Variants in AMPH observed in about 807,000 individuals in gnomAD.
The protein encoded by AMPH is amphiphysin.
In AMPH, 49 loss-of-function variants were observed where a neutral mutation model predicts 99.1. The ratio of observed to expected loss-of-function variants is 0.49; its 90% confidence interval spans 0.39 to 0.63. The LOEUF is 0.63. Ranked by LOEUF, AMPH falls within the 20% of genes least tolerant of loss-of-function variation. The pLI is 0.00. For missense variants in AMPH, 759 were observed against 863.4 expected, an observed-to-expected ratio of 0.88 and a Z score of 1.52; for synonymous variants, 314 against 317.3, an observed-to-expected ratio of 0.99 and a Z score of 0.11.
chr7:38,629,489 G>A (rs1225990842), intron 1 of AMPH, among the ~76,000 whole-genome samples: 1 of 152,064 alleles, frequency 6.6e-6, no homozygotes, highest in African/African-American at 2.4e-5. Flanking sequence ...GACCTTGATC[G>A]TGAAAAAGTG....
At chr7:38,607,224 C>T (rs763888477) in intron 1 of AMPH, among the ~76,000 whole-genome samples, 1 of 152,040 alleles carries the variant, frequency 6.6e-6, no homozygotes, top group Non-Finnish European at 1.5e-5. Context: ...TTCTACCAAC[C>T]GAAAATTTCT....
chr7:38,405,215 C>A (rs896021448), intron 17 of AMPH, among the ~76,000 whole-genome samples: 11 of 152,118 alleles, frequency 7.2e-5, no homozygotes, highest in African/African-American at 2.7e-4. Context: ...GAAAGGAGTT[C>A]TCAACATGGA....
At chr7:38,614,446 T>C (rs1352545723) in intron 1 of AMPH, among the ~76,000 whole-genome samples, 2 of 152,170 alleles carry the variant, frequency 1.3e-5, no homozygotes, top group Non-Finnish European at 2.9e-5. Flanking sequence ...TCTTGGCATA[T>C]GGAAGTTGCT....
intron 1 of AMPH, among the ~76,000 whole-genome samples, chr7:38,604,383 T>G (rs188127335): frequency 1.3e-5 from 2 of 152,334 alleles, no homozygotes; most frequent in East Asian, 3.9e-4. Flanking sequence ...GCCCAGAGCC[T>G]CTGCACCTTC....
intron 1 of AMPH, among the ~76,000 whole-genome samples, chr7:38,596,246 G>T (rs1023269549): frequency 6.6e-6 from 1 of 152,174 alleles, no homozygotes; most frequent in Non-Finnish European, 1.5e-5. Context: ...TTGCCCTGTG[G>T]GAGAGAAGGA....
In AMPH at chr7:38,391,885, T is replaced by G; in HGVS notation, c.1741A>C (p.Thr581Pro). The stretch of plus-strand genomic sequence containing the variant: ...TTCTGCTCCGTAGCCAGCTCCGGTG[T>G]CTCGCTGGTGGGGCCCGGAGGAGCC... The part of the protein sequence containing the change: ...DAAPPGPTSE[T>P]PELATEQKPI... Residue 581 changes from threonine to proline, a missense_variant, in exon 19 of 21, where the codon ACA (threonine) becomes CCA (proline). Thr to Pro is a conservative substitution (Grantham distance 38). This residue lies in a region of AMPH where 554 missense variants were observed against 575.6 expected (regional missense o/e 0.96). Coordinates refer to ENST00000356264, the MANE Select transcript of AMPH (RefSeq NM_001635.4). 2.5e-6 allele frequency: 4 copies of G among 1,612,676 alleles called. No individual in the cohort carries two copies. The highest frequency in any genetic ancestry group is 3.4e-6 in the Non-Finnish European group (4 of 1,179,708).
At chr7:38,408,547 G>A (rs948039013) in intron 17 of AMPH, among the ~76,000 whole-genome samples, 8 of 152,038 alleles carry the variant, frequency 5.3e-5, no homozygotes, top group Admixed American at 5.2e-4. Flanking sequence ...GGATCACGAG[G>A]TCAGGAGATT....
chr7:38,405,980 G>A (rs1162357593), intron 17 of AMPH, among the ~76,000 whole-genome samples: 1 of 152,262 alleles, frequency 6.6e-6, no homozygotes, highest in East Asian at 1.9e-4. Context: ...CATAAAGCAA[G>A]TCTCAATAAA....
intron 1 of AMPH, among the ~76,000 whole-genome samples, chr7:38,613,383 C>T (rs1036837931): frequency 2.0e-5 from 3 of 152,216 alleles, no homozygotes; most frequent in African/African-American, 4.8e-5. Flanking sequence ...AGTAGAAATA[C>T]TGCCCAGGGG....
chr7:38,611,622 T>C (rs1485262558), intron 1 of AMPH, among the ~76,000 whole-genome samples: 1 of 152,220 alleles, frequency 6.6e-6, no homozygotes, highest in Non-Finnish European at 1.5e-5. Context: ...AGAGCCACAG[T>C]AGGAAATACC....
intron 4 of AMPH, among the ~76,000 whole-genome samples, chr7:38,491,989 T>G (rs189627298): frequency 6.6e-6 from 1 of 152,214 alleles, no homozygotes; most frequent in Admixed American, 6.5e-5. Flanking sequence ...CAATGTAAAG[T>G]GCTTCACAGA....
At chr7:38,601,055 C>A (rs1793228704) in intron 1 of AMPH, among the ~76,000 whole-genome samples, 1 of 152,168 alleles carries the variant, frequency 6.6e-6, no homozygotes, top group Non-Finnish European at 1.5e-5. Context: ...TCCTGAGGTC[C>A]TTGTTATCCA....
At chr7:38,451,892 A>T (rs2129003683) in intron 11 of AMPH, among the ~76,000 whole-genome samples, 1 of 152,262 alleles carries the variant, frequency 6.6e-6, no homozygotes, top group African/African-American at 2.4e-5. Flanking sequence ...CCTTTGGAAG[A>T]TCTGTTTTTG....
At chr7:38,420,573 A>G (rs1022797366) in intron 16 of AMPH, among the ~76,000 whole-genome samples, 1 of 152,242 alleles carries the variant, frequency 6.6e-6, no homozygotes, top group Admixed American at 6.5e-5. Context: ...ACCATAAACC[A>G]ATTATTCCTT....
At chr7:38,528,103 T>C (rs1335200706) in intron 2 of AMPH, among the ~76,000 whole-genome samples, 1 of 152,220 alleles carries the variant, frequency 6.6e-6, no homozygotes, top group East Asian at 1.9e-4. Flanking sequence ...TCCTATTTGG[T>C]CAAGGTGTAT....
chr7:38,417,986 A>G, intron 16 of AMPH, 36 bp from the exon 17 acceptor site: 1 of 1,604,234 alleles, frequency 6.2e-7, no homozygotes, highest in African/African-American at 1.3e-5. Context: ...GAGGAAAAAG[A>G]TTCAACAGGT....
At chr7:38,392,353 G>T (rs903314299) in intron 18 of AMPH, among the ~76,000 whole-genome samples, 3 of 149,766 alleles carry the variant, frequency 2.0e-5, no homozygotes, top group African/African-American at 7.4e-5. Flanking sequence ...ATTGCAGGAG[G>T]AGTCAATGCA....
chr7:38,422,366 G>T (rs2128989122), intron 16 of AMPH, 55 bp downstream of exon 16: 1 of 1,430,174 alleles, frequency 7.0e-7, no homozygotes, highest in Non-Finnish European at 9.8e-7. Context: ...ATCAGCTTTA[G>T]AACATTCAGT....
At chr7:38,543,940 T>G (rs1472834190) in intron 1 of AMPH, among the ~76,000 whole-genome samples, 1 of 152,174 alleles carries the variant, frequency 6.6e-6, no homozygotes, top group African/African-American at 2.4e-5. Flanking sequence ...AATGTGAACA[T>G]GATGTATCAA....
Sources: allele counts gnomAD v4.1 joint callset (sites outside exome capture counted in the v4.1 genomes callset), GRCh38; gene constraint gnomAD v4.1.1; regional missense constraint gnomAD v4.1.1; transcripts MANE v1.5; gene names NCBI Gene and HGNC (gene_info 2026-07-23, HGNC 2026-07-21).